TMEM229B: variants seen among roughly 807,000 people sequenced by gnomAD.
TMEM229B encodes chromosome 14 open reading frame 83.
In TMEM229B, 6 loss-of-function variants were observed where a neutral mutation model predicts 13.7. That is an observed-to-expected ratio of 0.44 (90% CI 0.24 to 0.86). TMEM229B has a LOEUF of 0.86. Ranked by LOEUF, TMEM229B falls within the 40% of genes least tolerant of loss-of-function variation. The probability of loss-of-function intolerance (pLI) is 0.23; values close to 1 mark genes in which losing one functional copy is unlikely to be tolerated. For missense variants in TMEM229B, 170 were observed against 236.0 expected, an observed-to-expected ratio of 0.72 and a Z score of 1.83; for synonymous variants, 107 against 102.1, an observed-to-expected ratio of 1.05 and a Z score of -0.29.
intron 1 of TMEM229B, among the ~76,000 whole-genome samples, chr14:67,525,830 C>G (rs939537320): frequency 6.6e-6 from 1 of 152,194 alleles, no homozygotes; most frequent in Admixed American, 6.5e-5. Flanking sequence ...TTCCAGAGAT[C>G]CTGGATTCAC....
chr14:67,489,670 A>C (rs909520536), upstream of TMEM229B, among the ~76,000 whole-genome samples: 26 of 152,188 alleles, frequency 1.7e-4, no homozygotes, highest in African/African-American at 6.3e-4. Context: ...CCATCCTTCA[A>C]CTGAAACATG....
At chr14:67,531,680 C>T (rs936377504) in intron 1 of TMEM229B, among the ~76,000 whole-genome samples, 1 of 149,542 alleles carries the variant, frequency 6.7e-6, no homozygotes, top group African/African-American at 2.5e-5. Flanking sequence ...TTTGGGAGGC[C>T]GAGGCAGGAG....
intron 1 of TMEM229B, among the ~76,000 whole-genome samples, chr14:67,505,436 G>A (rs1458762636): frequency 3.9e-5 from 6 of 152,202 alleles, no homozygotes; most frequent in Admixed American, 1.3e-4. Flanking sequence ...TGGGACACAC[G>A]TTGGCCATCT....
intron 1 of TMEM229B, among the ~76,000 whole-genome samples, chr14:67,531,652 T>C (rs147802948): frequency 6.6e-6 from 1 of 150,484 alleles, no homozygotes; most frequent in Non-Finnish European, 1.5e-5. Context: ...CGGTGGCTCA[T>C]CCCTGTAATC....
chr14:67,520,214 A>G (rs1017861297), upstream of TMEM229B, among the ~76,000 whole-genome samples: 5 of 152,188 alleles, frequency 3.3e-5, no homozygotes, highest in African/African-American at 1.2e-4. Flanking sequence ...CATAGTTTAC[A>G]TTAGGGTTCA....
intron 1 of TMEM229B, among the ~76,000 whole-genome samples, chr14:67,522,053 T>A (rs1373339399): frequency 2.0e-5 from 3 of 152,088 alleles, no homozygotes; most frequent in Non-Finnish European, 4.4e-5. Flanking sequence ...GCGTGCCTGT[T>A]ATCCCAGCTA....
At chr14:67,501,189 C>A (rs1434294023) in intron 1 of TMEM229B, among the ~76,000 whole-genome samples, 1 of 151,998 alleles carries the variant, frequency 6.6e-6, no homozygotes, top group Non-Finnish European at 1.5e-5. Flanking sequence ...AGCAGGTACT[C>A]CCTGCCCTGA....
chr14:67,516,586 C>T (rs2033205624), upstream of TMEM229B, among the ~76,000 whole-genome samples: 1 of 152,098 alleles, frequency 6.6e-6, no homozygotes, highest in Admixed American at 6.6e-5. Flanking sequence ...TTCCTCCTGT[C>T]TGAACCTAAT....
At position 67,508,753 on chromosome 14, in the gene TMEM229B, C is replaced by CAAAAAAAAAAAAAAAAAAAAAAAAAAA. The variant is rs757183130; in HGVS notation, c.-192+6332_-192+6333insTTTTTTTTTTTTTTTTTTTTTTTTTTT. 6.0e-4 allele frequency among the ~76,000 whole-genome samples: 28 copies of CAAAAAAAAAAAAAAAAAAAAAAAAAAA among 46,668 alleles called. 1 individual carries two copies. Among genetic ancestry groups the CAAAAAAAAAAAAAAAAAAAAAAAAAAA allele is most frequent in the South Asian group, 9.4e-4 (1 of 1,064 alleles). The allele number at this position is 46,668 out of a possible 152,430, so 30.6% of individuals were successfully genotyped here. On this transcript the variant is annotated intron_variant, in intron 1 of 2. Transcript: ENST00000357461. The stretch of plus-strand genomic sequence containing the variant: ...TGGGTGACAGAGCAAAACCTTGTCT[C>CAAAAAAAAAAAAAAAAAAAAAAAAAAA]AAAAAAAAAAAAAAAAAACAGAAGA...
chr14:67,489,174 G>A (rs183944566), upstream of TMEM229B, among the ~76,000 whole-genome samples: 246 of 152,302 alleles, frequency 1.6e-3, no homozygotes, highest in African/African-American at 5.8e-3. Flanking sequence ...CTGAGGGGCA[G>A]GAAGGGCAGA....
intron 2 of TMEM229B, among the ~76,000 whole-genome samples, chr14:67,481,804 G>T (rs1204047605): frequency 1.3e-5 from 2 of 152,166 alleles, no homozygotes; most frequent in Non-Finnish European, 2.9e-5. Flanking sequence ...TCAGCCCTGG[G>T]ATCAGAGCCC....
intron 1 of TMEM229B, among the ~76,000 whole-genome samples, chr14:67,532,444 T>C (rs2033492703): frequency 6.6e-6 from 1 of 152,160 alleles, no homozygotes; most frequent in Admixed American, 6.5e-5. Flanking sequence ...TAGCCAAATG[T>C]TGAGTTTTCC....
At chr14:67,531,059 C>G (rs2033435986) in intron 1 of TMEM229B, among the ~76,000 whole-genome samples, 1 of 152,166 alleles carries the variant, frequency 6.6e-6, no homozygotes, top group Non-Finnish European at 1.5e-5. Context: ...GGCTTTTCTT[C>G]CCATCTCTCT....
At chr14:67,474,428 C>T (rs2031040240) in intron 2 of TMEM229B, among the ~76,000 whole-genome samples, 1 of 152,142 alleles carries the variant, frequency 6.6e-6, no homozygotes, top group African/African-American at 2.4e-5. Flanking sequence ...ACCAATCAGC[C>T]CCATTTCTAG....
intron 1 of TMEM229B, among the ~76,000 whole-genome samples, chr14:67,502,879 A>C (rs779389951): frequency 6.6e-6 from 1 of 152,204 alleles, no homozygotes; most frequent in Non-Finnish European, 1.5e-5. Flanking sequence ...GGGTCCTGAA[A>C]TGTATTAAGA....
At chr14:67,515,403 GC>G in exon 1 of TMEM229B, 2 of 179,724 alleles carry the variant, frequency 1.1e-5, no homozygotes, top group Non-Finnish European at 2.2e-5. Context: ...GAGGAAAGGA[GC>G]CCCCGGCGGC....
chr14:67,521,593 G>C (rs1230525170), intron 1 of TMEM229B, among the ~76,000 whole-genome samples: 1 of 152,130 alleles, frequency 6.6e-6, no homozygotes. Flanking sequence ...AGTGGATAAG[G>C]ACTATGCAGT....
chr14:67,520,009 C>T (rs567504066), upstream of TMEM229B, among the ~76,000 whole-genome samples: 155 of 152,322 alleles, frequency 1.0e-3, no homozygotes, highest in Non-Finnish European at 1.8e-3. Context: ...AGGCGTGAGC[C>T]ACCATGCCTG....
chr14:67,518,359 G>A (rs1321731929), upstream of TMEM229B, among the ~76,000 whole-genome samples: 1 of 152,204 alleles, frequency 6.6e-6, no homozygotes, highest in African/African-American at 2.4e-5. Context: ...CTGCAAAATG[G>A]AAATGGCAAT....
Sources: gnomAD v4.1 joint callset for allele counts (sites outside exome capture counted in the v4.1 genomes callset) on GRCh38, gnomAD v4.1.1 for gene constraint, MANE v1.5 for transcripts, NCBI Gene and HGNC (gene_info 2026-07-23, HGNC 2026-07-21) for gene names.